Variants in UBE3B observed in about 807,000 individuals in gnomAD.
UBE3B encodes the protein ubiquitin protein ligase E3B.
In UBE3B, 80 loss-of-function variants were observed where a neutral mutation model predicts 132.3. The ratio of observed to expected loss-of-function variants is 0.60; its 90% CI spans 0.50 to 0.73. The LOEUF (loss-of-function observed/expected upper bound fraction) is 0.73. UBE3B is among the 30% of genes least tolerant of loss of function. The pLI is 0.00. For missense variants in UBE3B, 1,196 were observed against 1,362.5 expected (o/e 0.88, Z 1.92); for synonymous variants, 487 against 520.4 (o/e 0.94, Z 0.87).
chr12:109,485,469 G>T (rs974175796), intron 4 of UBE3B, among the ~76,000 whole-genome samples: 5 of 152,244 alleles, frequency 3.3e-5, no homozygotes, highest in African/African-American at 1.2e-4. Flanking sequence ...GCAGCTCAGG[G>T]TGGTAGGGCA....
chr12:109,484,807 G>A (rs1876127639), intron 4 of UBE3B, among the ~76,000 whole-genome samples: 1 of 151,930 alleles, frequency 6.6e-6, no homozygotes, highest in African/African-American at 2.4e-5. Context: ...CCAGGCTGGA[G>A]TGCAGTAGCA....
In UBE3B at chr12:109,533,472, A is replaced by C; in HGVS notation, c.2929A>C (p.Thr977Pro). 6.2e-7 allele frequency: 1 copy of C among 1,614,076 alleles called. No homozygotes were observed. ...ACCCTGCTTTGTGTTGCAGTTCGTG[A>C]CCAGCTGCTCCAGACCCCCGCTCCT... is the stretch of plus-strand genomic sequence containing the variant. ...DERAMFLKFV[T>P]SCSRPPLLGF... Residue 977 changes from threonine to proline, a missense_variant, in exon 27 of 28, where the codon ACC becomes CCC. Thr to Pro is a conservative substitution (Grantham distance 38). Transcript: ENST00000342494.
Position 109,477,800 on chromosome 12 carries a change from CG to C in UBE3B, c.-435del, listed in dbSNP as rs1346092428. On this transcript the variant is annotated 5_prime_UTR_variant, in exon 1 of 28. Coordinates refer to ENST00000342494, the MANE Select transcript of UBE3B (RefSeq NM_130466.4). ...GGGTAGGCCGGTAGGGCCTGCGGTC[CG>C]GCCTGCGGGAGAACTGGGTCGTCAG... 1.8e-5 allele frequency: 3 copies of C among 163,502 alleles called. No individual in the cohort carries two copies. The highest frequency in any genetic ancestry group is 2.7e-5 in the Non-Finnish European group (2 of 74,438). 10.1% of individuals were successfully genotyped at this position (163,502 alleles called of 1,614,324 possible).
rs139093094 is a variant in UBE3B, at chr12:109,520,779, G to A, written c.2077-369G>A. On this transcript the variant is annotated intron_variant, in intron 19 of 27. Coordinates refer to ENST00000342494, the MANE Select transcript of UBE3B (RefSeq NM_130466.4). ...TTTTCTTTTTTCTTTTTTTTACCAT[G>A]AGCTAAAGATACTCTTAGCATTGAG... The A allele has an allele frequency of 2.0e-3, 317 of 159,264 alleles. 5 individuals carry two copies. In the East Asian group the frequency reaches 0.051, roughly 26 times the overall value. The allele number at this position is 159,264 out of a possible 1,614,324, so 9.9% of individuals were successfully genotyped here.
In UBE3B at chr12:109,523,146, C is replaced by G. The variant is rs118182918; in HGVS notation, c.2365-832C>G. On this transcript the variant is annotated intron_variant, in intron 21 of 27. Transcript: ENST00000342494. Reference sequence around the variant, plus strand: ...GATTAACTCATTTACCCCTTACGGTCCTCTGACAGGTGTCATCAAGTCCGA... The same window carrying G: ...GATTAACTCATTTACCCCTTACGGTGCTCTGACAGGTGTCATCAAGTCCGA... Among the ~76,000 whole-genome samples the G allele has an allele frequency of 2.0e-4, 31 of 152,336 alleles. 1 individual carries two copies. In the East Asian group the frequency reaches 6.0e-3, roughly 29 times the overall value.
At chr12:109,530,843 C>G (rs184768545) in intron 26 of UBE3B, among the ~76,000 whole-genome samples, 185 bp downstream of exon 26, 5 of 152,214 alleles carry the variant, frequency 3.3e-5, no homozygotes, top group Non-Finnish European at 7.3e-5. Context: ...TTGAGGGGCA[C>G]GGCCGAGCCT....
At chr12:109,498,829 G>GT (rs1030888536) in intron 11 of UBE3B, among the ~76,000 whole-genome samples, 1,646 of 142,316 alleles carry the variant, frequency 0.012, 17 homozygotes, top group African/African-American at 0.028. Flanking sequence ...AGTTTTTTTT[G>GT]TTTTTTTTTT....
chr12:109,521,819 T>C lies in UBE3B; in HGVS notation c.2364+268T>C, dbSNP rs1881754187. On this transcript the variant is annotated intron_variant, in intron 21 of 27. Transcript: ENST00000342494. This position sits in a 1 kb window ranked among gnomAD's most constrained non-coding sequence, Gnocchi z 4.2. ...AGACCTGAAGCTTTGAGGAGTCACC[T>C]GTCCAGAGTTTCGTTGCTAGTTAAG... 6.6e-6 allele frequency among the ~76,000 whole-genome samples: 1 copy of C among 152,174 alleles called. No individual in the cohort carries two copies. The highest frequency in any genetic ancestry group is 2.1e-4 in the South Asian group (1 of 4,828).
At chr12:109,510,549 G>A in intron 17 of UBE3B, 91 bp downstream of exon 17, 1 of 1,040,872 alleles carries the variant, frequency 9.6e-7, no homozygotes, top group Non-Finnish European at 1.4e-6. Context: ...AGGGCAGAGA[G>A]GACTTTTTCC....
At chr12:109,484,666 A>T (rs1056370742) in intron 4 of UBE3B, among the ~76,000 whole-genome samples, 1 of 151,256 alleles carries the variant, frequency 6.6e-6, no homozygotes, top group African/African-American at 2.4e-5. Flanking sequence ...CTGGGATTAC[A>T]GGCGTGAGCC....
At chr12:109,502,435 CAG>C (rs778216612) in intron 13 of UBE3B, among the ~76,000 whole-genome samples, 12 of 152,104 alleles carry the variant, frequency 7.9e-5, no homozygotes, top group African/African-American at 1.4e-4. Context: ...CATAATTTGA[CAG>C]AGTTACCTGC....
At chr12:109,520,979 C>T (rs983765778) in intron 19 of UBE3B, 169 bp from the exon 20 acceptor site, 5 of 677,994 alleles carry the variant, frequency 7.4e-6, no homozygotes, top group Admixed American at 2.9e-5. Context: ...TGCTTTTAAT[C>T]AGCACTCATT....
At chr12:109,503,925 T>C (rs1879326313) in intron 14 of UBE3B, among the ~76,000 whole-genome samples, 3 of 152,260 alleles carry the variant, frequency 2.0e-5, no homozygotes, top group South Asian at 2.1e-4. Flanking sequence ...TTCACACTTA[T>C]TTATCCATTC....
chr12:109,510,954 C>G (rs1880294346), intron 17 of UBE3B, among the ~76,000 whole-genome samples: 1 of 152,228 alleles, frequency 6.6e-6, no homozygotes. Flanking sequence ...TGGCAAACTT[C>G]TGTAAAGGGC....
chr12:109,502,033 C>G (rs1879068753), intron 13 of UBE3B, among the ~76,000 whole-genome samples: 1 of 152,026 alleles, frequency 6.6e-6, no homozygotes, highest in Admixed American at 6.6e-5. Flanking sequence ...AACAAAAAAT[C>G]CATAAGAATA....
Position 109,530,803 on chromosome 12 carries a change from C to T in UBE3B, c.2922+145C>T, listed in dbSNP as rs139311320. ...CATCCTCTCCCACAGGCAGGCCTCC[C>T]GGTAGGCCAAGCAGTAACCAGAGAG... On this transcript the variant is annotated intron_variant, in intron 26 of 27. Transcript: ENST00000342494. The T allele has an allele frequency of 2.1e-3, 1,654 of 775,792 alleles. 10 individuals carry two copies. Among genetic ancestry groups the T allele is most frequent in the Non-Finnish European group, 2.2e-3 (1,052 of 485,410 alleles). 48.1% of individuals were successfully genotyped at this position (775,792 alleles called of 1,614,324 possible).
intron 18 of UBE3B, among the ~76,000 whole-genome samples, chr12:109,515,364 T>TTG (rs752138708): frequency 2.0e-5 from 3 of 151,230 alleles, no homozygotes; most frequent in Non-Finnish European, 4.4e-5. Flanking sequence ...TTACTGTTTT[T>TTG]TTGTTGTTGT....
chr12:109,482,595 A>G (rs1216283503), intron 2 of UBE3B, among the ~76,000 whole-genome samples: 1 of 152,224 alleles, frequency 6.6e-6, no homozygotes, highest in Admixed American at 6.5e-5. Flanking sequence ...AATTCATTTC[A>G]GTGTTTTTAA....
intron 14 of UBE3B, among the ~76,000 whole-genome samples, chr12:109,504,906 C>T (rs756049801): frequency 1.4e-4 from 21 of 151,736 alleles, no homozygotes; most frequent in Admixed American, 5.9e-4. Context: ...CCCAGGTTCA[C>T]GCCATTCTCC....
Sources: allele counts gnomAD v4.1 joint callset (sites outside exome capture counted in the v4.1 genomes callset), GRCh38; gene constraint gnomAD v4.1.1; non-coding constraint Gnocchi (gnomAD v3.1); transcripts MANE v1.5; gene names NCBI Gene and HGNC (gene_info 2026-07-23, HGNC 2026-07-21).